Variants in PARD3 observed in about 807,000 individuals in gnomAD.
PARD3 encodes the protein par-3 family cell polarity regulator.
A neutral mutation model predicts 155.4 loss-of-function variants in PARD3; 75 were observed. The ratio of observed to expected loss-of-function variants is 0.48; its 90% CI spans 0.40 to 0.58. The LOEUF (loss-of-function observed/expected upper bound fraction) is 0.58. Among genes scored for constraint, PARD3 ranks in the 20% least tolerant of loss-of-function variants. The pLI is 0.00. For synonymous variants in PARD3, 576 were observed against 610.5 expected (o/e 0.94, Z 0.83); for missense variants, 1,642 against 1,721.7 (o/e 0.95, Z 0.82).
chr10:34,301,124 G>C (rs1957126904), intron 20 of PARD3, among the ~76,000 whole-genome samples: 1 of 152,170 alleles, frequency 6.6e-6, no homozygotes. Context: ...AAAAAGCTCT[G>C]CTTCTTAAAA....
intron 1 of PARD3, among the ~76,000 whole-genome samples, chr10:34,795,605 G>C (rs973558038): frequency 8.7e-5 from 13 of 150,110 alleles, no homozygotes; most frequent in African/African-American, 3.2e-4. Context: ...GCAAGACCCT[G>C]TCTCAAAAAA....
In PARD3 at chr10:34,375,951, C is replaced by T. The variant is rs558386725; in HGVS notation, c.1540-949G>A. ...GACTCTTACAAAATAAAACAAGCTACGACTGCACACATGGGCTAATATACC... is the reference window on the plus strand; with the variant it reads ...GACTCTTACAAAATAAAACAAGCTATGACTGCACACATGGGCTAATATACC... On this transcript the variant is annotated intron_variant, in intron 10 of 24. Transcript: ENST00000374788. Among the ~76,000 whole-genome samples, 18 of 152,210 alleles carry T rather than the reference C, an allele frequency of 1.2e-4. No homozygotes were observed. The East Asian group carries it at 1.5e-3, about 13-fold the overall frequency.
chr10:34,394,083 G>A (rs1355457033), intron 7 of PARD3, among the ~76,000 whole-genome samples: 5 of 151,898 alleles, frequency 3.3e-5, no homozygotes, highest in Non-Finnish European at 5.9e-5. Context: ...TGATCCGCCC[G>A]CCTCAGCCTC....
Position 34,382,745 on chromosome 10 carries a change from C to G in PARD3, c.1194G>C (p.Gly398=). Residue 398 remains glycine (G), a synonymous_variant, in exon 9 of 25, where the codon GGG becomes GGC. Coordinates refer to ENST00000374788, the MANE Select transcript of PARD3 (RefSeq NM_001184785.2). The part of the protein sequence containing the change: ...YIDNRSVNSA[G]LHTVQRAPRL... ...GGGGTGCTCTCTGCACCGTGTGAAG[C>G]CCTGCACTGTTCACACTCCTGTTGT... 6.2e-7 allele frequency: 1 copy of G among 1,614,156 alleles called. No homozygotes were observed. The highest frequency in any genetic ancestry group is 8.5e-7 in the Non-Finnish European group (1 of 1,180,026).
chr10:34,628,741 G>A (rs1361237440), intron 2 of PARD3, among the ~76,000 whole-genome samples: 1 of 152,202 alleles, frequency 6.6e-6, no homozygotes. Context: ...ATACACCTGT[G>A]TTTGGAGCAA....
intron 2 of PARD3, among the ~76,000 whole-genome samples, chr10:34,624,448 A>G (rs2496718): frequency 0.53 from 80,078 of 152,180 alleles, 24,460 homozygotes; most frequent in African/African-American, 0.86. Context: ...CCACAGAATC[A>G]GAATAAACAG....
intron 19 of PARD3, among the ~76,000 whole-genome samples, chr10:34,329,240 C>A (rs1400318530): frequency 6.6e-6 from 1 of 152,080 alleles, no homozygotes; most frequent in Non-Finnish European, 1.5e-5. Context: ...TCTCCTGTTA[C>A]ATTTGAAATG....
intron 22 of PARD3, among the ~76,000 whole-genome samples, chr10:34,261,772 G>GAAAGAAAGA (rs1449665872): frequency 1.2e-5 from 1 of 84,090 alleles, no homozygotes; most frequent in Non-Finnish European, 2.9e-5. Flanking sequence ...AAGGAAGGAA[G>GAAAGAAAGA]AAAGAAAGAA....
At chr10:34,791,884 C>T (rs1841676706) in intron 1 of PARD3, among the ~76,000 whole-genome samples, 1 of 151,952 alleles carries the variant, frequency 6.6e-6, no homozygotes, top group Admixed American at 6.6e-5. Context: ...TGAGACCCTT[C>T]CCAGGGAGCC....
chr10:34,729,226 G>A lies in PARD3; in HGVS notation c.121-32807C>T, dbSNP rs1022616779. Among the ~76,000 whole-genome samples the A allele has an allele frequency of 4.6e-5, 7 of 152,128 alleles. No homozygotes were observed. The East Asian group carries it at 5.8e-4, about 13-fold the overall frequency. On this transcript the variant is annotated intron_variant, in intron 1 of 24. Transcript: ENST00000374788. ...CCTTAAAATGCTGAATGCAGCCTAC[G>A]CTTTTAAAGATATGATGCTATTGGC...
At chr10:34,390,985 C>G (rs747519485) in intron 7 of PARD3, among the ~76,000 whole-genome samples, 15 of 152,134 alleles carry the variant, frequency 9.9e-5, no homozygotes, top group Non-Finnish European at 1.9e-4. Context: ...TAAGATCCTA[C>G]AGGTTCTGCT....
intron 2 of PARD3, among the ~76,000 whole-genome samples, chr10:34,623,417 C>A (rs999003140): frequency 2.0e-5 from 3 of 152,320 alleles, no homozygotes; most frequent in African/African-American, 7.2e-5. Flanking sequence ...AACTCTCCTT[C>A]CCTTCAATAA....
intron 22 of PARD3, among the ~76,000 whole-genome samples, chr10:34,211,598 A>G (rs984596332): frequency 6.6e-6 from 1 of 152,134 alleles, no homozygotes; most frequent in Non-Finnish European, 1.5e-5. Context: ...CCTGGCCAAC[A>G]TGGTGAAACC....
At chr10:34,625,156 T>G (rs1183122944) in intron 2 of PARD3, among the ~76,000 whole-genome samples, 1 of 152,224 alleles carries the variant, frequency 6.6e-6, no homozygotes, top group Non-Finnish European at 1.5e-5. Context: ...TGAGTGTGCC[T>G]GTAGATTCTG....
intron 1 of PARD3, among the ~76,000 whole-genome samples, chr10:34,718,449 CA>C (rs1262204571): frequency 6.6e-6 from 1 of 151,722 alleles, no homozygotes; most frequent in African/African-American, 2.4e-5. Flanking sequence ...TGCTTGAACC[CA>C]GGAGTTCAAG....
intron 1 of PARD3, among the ~76,000 whole-genome samples, chr10:34,783,734 G>A (rs1171321996): frequency 6.6e-6 from 1 of 151,772 alleles, no homozygotes; most frequent in African/African-American, 2.4e-5. Flanking sequence ...AGAAAAAAAG[G>A]GAGAACAACC....
chr10:34,523,088 G>A (rs1294031222), intron 2 of PARD3, among the ~76,000 whole-genome samples: 2 of 152,176 alleles, frequency 1.3e-5, no homozygotes, highest in African/African-American at 2.4e-5. Flanking sequence ...GAACATATCT[G>A]AGGGTAATGA....
chr10:34,579,572 G>GTGTGTGTGTGTGTGTGTA lies in PARD3; in HGVS notation c.223-62414_223-62413insTACACACACACACACACA, dbSNP rs1554775629. Reference sequence around the variant, plus strand: ...ATTTTCTCTGTGTGTGTGTGTGTGTGTGTGTGTGTGTGTGTGTGTGTGTTT... The same window carrying GTGTGTGTGTGTGTGTGTA: ...ATTTTCTCTGTGTGTGTGTGTGTGTGTGTGTGTGTGTGTGTGTATGTGTGTGTGTGTGTGTGTGTGTTT... On this transcript the variant is annotated intron_variant, in intron 2 of 24. Transcript: ENST00000374788. 3.5e-3 allele frequency among the ~76,000 whole-genome samples: 527 copies of GTGTGTGTGTGTGTGTGTA among 149,652 alleles called. 3 individuals are homozygous for GTGTGTGTGTGTGTGTGTA. Among genetic ancestry groups the GTGTGTGTGTGTGTGTGTA allele is most frequent in the African/African-American group, 9.6e-3 (390 of 40,634 alleles).
chr10:34,637,872 C>A (rs958606622), intron 2 of PARD3, among the ~76,000 whole-genome samples: 4 of 152,244 alleles, frequency 2.6e-5, no homozygotes, highest in East Asian at 3.9e-4. Flanking sequence ...AGTTTGCAGG[C>A]GTGAAATATA....
Sources: gnomAD v4.1 joint callset for allele counts (sites outside exome capture counted in the v4.1 genomes callset) on GRCh38, gnomAD v4.1.1 for gene constraint, MANE v1.5 for transcripts, NCBI Gene and HGNC (gene_info 2026-07-23, HGNC 2026-07-21) for gene names.